CHRNB3: variants seen among roughly 807,000 people sequenced by gnomAD.
CHRNB3 encodes cholinergic receptor nicotinic beta 3 subunit, also known as neuronal acetylcholine receptor subunit beta-3.
CHRNB3 carries 37 observed loss-of-function variants against 40.6 expected under a neutral mutation model. The observed-to-expected ratio is 0.91, with a 90% confidence interval of 0.70 to 1.20. CHRNB3 has a LOEUF of 1.20. CHRNB3 is among the 50% of genes most tolerant of loss of function. The pLI is 0.00. For missense variants in CHRNB3, 505 were observed against 551.2 expected, an observed-to-expected ratio of 0.92 and a Z score of 0.84; for synonymous variants, 207 against 207.1, an observed-to-expected ratio of 1.00 and a Z score of 0.00.
At chr8:42,708,976 A>T in intron 2 of CHRNB3, 108 bp downstream of exon 2, 1 of 1,218,570 alleles carries the variant, frequency 8.2e-7, no homozygotes, top group South Asian at 1.9e-5. Flanking sequence ...TTTAAAAATA[A>T]TTTACTGTGA....
rs71221230 is a variant in CHRNB3, at chr8:42,717,403, A to AAAAAAAAAAAAAAAAAAAAAAG, written c.249+6971_249+6972insAAAAAAAAAAAAAAAAAAAGAA. 4.1e-4 allele frequency among the ~76,000 whole-genome samples: 21 copies of AAAAAAAAAAAAAAAAAAAAAAG among 50,906 alleles called. 9 individuals are homozygous for AAAAAAAAAAAAAAAAAAAAAAG. Among genetic ancestry groups the AAAAAAAAAAAAAAAAAAAAAAG allele is most frequent in the East Asian group, 6.4e-4 (1 of 1,568 alleles). 33.4% of individuals were successfully genotyped at this position (50,906 alleles called of 152,430 possible). On this transcript the variant is annotated intron_variant, in intron 3 of 5. Transcript: ENST00000289957. ...AAAAAAAAAAAAAAAAAAAAAAAAA[A>AAAAAAAAAAAAAAAAAAAAAAG]AAGCCGACCTGTTGTGGAAAGGTCA...
At chr8:42,734,259 CAA>C (rs769371275) in intron 5 of CHRNB3, among the ~76,000 whole-genome samples, 685 of 23,818 alleles carry the variant, frequency 0.029, no homozygotes, top group African/African-American at 0.079. Context: ...GACTCCATCT[CAA>C]AAAAAAAAAA....
At chr8:42,726,089 A>G in intron 3 of CHRNB3, 1 of 1,007,348 alleles carries the variant, frequency 9.9e-7, no homozygotes, top group Non-Finnish European at 1.5e-6. Flanking sequence ...TTTAAACCTG[A>G]GCCCTTTTCT....
intron 1 of CHRNB3, among the ~76,000 whole-genome samples, chr8:42,700,787 T>G (rs1255841950): frequency 6.6e-6 from 1 of 152,224 alleles, no homozygotes; most frequent in Non-Finnish European, 1.5e-5. Flanking sequence ...GGATTTAGTA[T>G]AGATCTGTGA....
intron 3 of CHRNB3, among the ~76,000 whole-genome samples, chr8:42,720,799 G>C (rs1350395863): frequency 6.6e-6 from 1 of 152,174 alleles, no homozygotes; most frequent in Non-Finnish European, 1.5e-5. Context: ...AGTTCTCTTA[G>C]AACAATTTAT....
At chr8:42,722,546 C>T (rs1413675805) in intron 3 of CHRNB3, among the ~76,000 whole-genome samples, 1 of 151,988 alleles carries the variant, frequency 6.6e-6, no homozygotes, top group Admixed American at 6.6e-5. Context: ...TATAATTCCC[C>T]CGACTTTTAT....
chr8:42,724,913 G>A (rs1016629962), intron 3 of CHRNB3, among the ~76,000 whole-genome samples: 6 of 150,826 alleles, frequency 4.0e-5, no homozygotes, highest in Admixed American at 3.3e-4. Flanking sequence ...AACCCGGGAG[G>A]CGGAGGTTGC....
chr8:42,722,918 T>C (rs78780465), intron 3 of CHRNB3, among the ~76,000 whole-genome samples: 8,674 of 152,088 alleles, frequency 0.057, 322 homozygotes, highest in Middle Eastern at 0.11. Context: ...GTTACTTATA[T>C]ATTTTACTAT....
chr8:42,710,607 G>A (rs571468828), intron 3 of CHRNB3, among the ~76,000 whole-genome samples, 173 bp downstream of exon 3: 1 of 152,284 alleles, frequency 6.6e-6, no homozygotes, highest in South Asian at 2.1e-4. Flanking sequence ...AGCTGATCCT[G>A]GCAAGCCCCT....
At chr8:42,733,767 T>A (rs562225154) in intron 5 of CHRNB3, among the ~76,000 whole-genome samples, 3 of 151,128 alleles carry the variant, frequency 2.0e-5, no homozygotes, top group African/African-American at 7.3e-5. Context: ...TAATTTTTCT[T>A]GAATTTTCAT....
intron 1 of CHRNB3, 56 bp from the exon 2 acceptor site, chr8:42,708,661 C>T: frequency 1.3e-6 from 2 of 1,573,290 alleles, no homozygotes; most frequent in South Asian, 2.3e-5. Context: ...ATGGGACACT[C>T]ATCCAGGCAT....
chr8:42,726,099 T>C (rs58279443), intron 3 of CHRNB3: 53,636 of 1,134,836 alleles, frequency 0.047, 1,776 homozygotes, highest in Middle Eastern at 0.11. Context: ...AGCCCTTTTC[T>C]TTTTCTCTGC....
chr8:42,712,757 C>G (rs1211980782), intron 3 of CHRNB3, among the ~76,000 whole-genome samples: 1 of 151,932 alleles, frequency 6.6e-6, no homozygotes, highest in African/African-American at 2.4e-5. Context: ...AGAAAAGAAC[C>G]CACACTTTCC....
chr8:42,714,144 G>A (rs1451997576), intron 3 of CHRNB3, among the ~76,000 whole-genome samples: 1 of 152,146 alleles, frequency 6.6e-6, no homozygotes, highest in Admixed American at 6.5e-5. Context: ...AAGAAGGGAA[G>A]GCTGCCTGTA....
At chr8:42,697,716 G>A (rs1309910787) in intron 1 of CHRNB3, 118 bp downstream of exon 1, 4 of 769,536 alleles carry the variant, frequency 5.2e-6, no homozygotes, top group Admixed American at 4.0e-5. Context: ...GATACATTTA[G>A]GATAACCTTT....
chr8:42,720,111 CTTTTTTTTTTT>C (rs869178430), intron 3 of CHRNB3, among the ~76,000 whole-genome samples: 56 of 48,740 alleles, frequency 1.1e-3, no homozygotes, highest in East Asian at 1.4e-3. Flanking sequence ...CAGAAGCCTT[CTTTTTTTTTTT>C]TTTTTTTTTT....
intron 3 of CHRNB3, among the ~76,000 whole-genome samples, chr8:42,715,603 G>C (rs1394116424): frequency 1.3e-5 from 2 of 152,016 alleles, no homozygotes; most frequent in Non-Finnish European, 2.9e-5. Context: ...GATACTTGTG[G>C]GGTTTTTTAA....
Position 42,731,949 on chromosome 8 carries a change from G to A in CHRNB3, c.642G>A (p.Arg214=), listed in dbSNP as rs1440606762. The A allele has an allele frequency of 2.5e-6, 4 of 1,614,008 alleles. No homozygotes were observed. The highest frequency in any genetic ancestry group is 3.3e-5 in the Admixed American group (2 of 59,988). Residue 214 remains arginine, a synonymous_variant, in exon 5 of 6, where the codon AGG becomes AGA. Coordinates refer to ENST00000289957, the MANE Select transcript of CHRNB3 (RefSeq NM_000749.5). Reference sequence around the variant, plus strand: ...CAAAGGGGATGAAGGGGAACAGAAGGGACGGCGTGTACTCCTATCCCTTTA... The same window carrying A: ...CAAAGGGGATGAAGGGGAACAGAAGAGACGGCGTGTACTCCTATCCCTTTA... ...LNAKGMKGNR[R]DGVYSYPFIT...
At chr8:42,734,482 C>A (rs568802267) in intron 5 of CHRNB3, among the ~76,000 whole-genome samples, 4 of 148,046 alleles carry the variant, frequency 2.7e-5, no homozygotes, top group African/African-American at 1.0e-4. Flanking sequence ...TGCAATAGCT[C>A]GATCTCAGCT....
Sources: gnomAD v4.1 joint callset for allele counts (sites outside exome capture counted in the v4.1 genomes callset) on GRCh38, gnomAD v4.1.1 for gene constraint, MANE v1.5 for transcripts, NCBI Gene and HGNC (gene_info 2026-07-23, HGNC 2026-07-21) for gene names.